DUSP16: variants seen among roughly 807,000 people sequenced by gnomAD.
DUSP16 encodes the protein dual specificity phosphatase 16.
A neutral mutation model predicts 58.3 loss-of-function variants in DUSP16; 21 were observed. The observed-to-expected ratio is 0.36, with a 90% confidence interval of 0.26 to 0.52. DUSP16 has a LOEUF of 0.52. Ranked by LOEUF, DUSP16 falls within the 20% of genes least tolerant of loss-of-function variation. DUSP16 has a pLI of 0.94. For missense variants in DUSP16, 726 were observed against 819.0 expected, an observed-to-expected ratio of 0.89 and a Z score of 1.39; for synonymous variants, 320 against 323.8, an observed-to-expected ratio of 0.99 and a Z score of 0.12.
Position 12,544,745 on chromosome 12 carries a change from G to GT in DUSP16, c.-366+17371dup, listed in dbSNP as rs1944615764. ...TGGCTGAACACTGCTAGAAGCTTTA[G>GT]TTTTTTTTAACCTTTCGCATTGAGA... On this transcript the variant is annotated intron_variant, in intron 1 of 6. Transcript: ENST00000298573. Among the ~76,000 whole-genome samples, 6 of 150,408 alleles carry GT rather than the reference G, an allele frequency of 4.0e-5. 1 individual carries two copies. In the South Asian group the frequency reaches 1.3e-3, roughly 32 times the overall value.
chr12:12,478,872 C>T (rs1943509346), intron 6 of DUSP16, among the ~76,000 whole-genome samples: 2 of 152,206 alleles, frequency 1.3e-5, no homozygotes, highest in Non-Finnish European at 2.9e-5. Flanking sequence ...ACATGACAGA[C>T]TAACCAAGAC....
chr12:12,477,104 C>T lies in DUSP16; in HGVS notation c.1727G>A (p.Ser576Asn). 12 of 1,614,272 alleles carry T rather than the reference C, an allele frequency of 7.4e-6. No homozygotes were observed. The highest frequency in any genetic ancestry group is 1.3e-5 in the African/African-American group (1 of 75,074). ...FYSASAIYGG[S>N]ASYSAYSCSQ... is the part of the protein sequence containing the mutation. ...GCAGCTGTAGGCAGAGTAACTGGCA[C>T]TGCCTCCGTAGATGGCTGAGGCAGA... The change falls in exon 7 of 7, where the codon AGT becomes AAT. Residue 576 changes from serine to asparagine, a missense_variant. Coordinates refer to ENST00000298573, the MANE Select transcript of DUSP16 (RefSeq NM_030640.3). This position sits in a 1 kb window ranked among gnomAD's most constrained non-coding sequence, Gnocchi z 4.1.
intron 1 of DUSP16, among the ~76,000 whole-genome samples, chr12:12,538,387 G>C (rs568970655): frequency 8.5e-5 from 13 of 152,246 alleles, no homozygotes; most frequent in African/African-American, 3.1e-4. Flanking sequence ...GCCAAAGAAG[G>C]ACTTCCACTT....
intron 3 of DUSP16, among the ~76,000 whole-genome samples, chr12:12,515,657 G>C (rs1321757682): frequency 6.6e-6 from 1 of 151,786 alleles, no homozygotes; most frequent in African/African-American, 2.4e-5. Context: ...AAATTTCAAG[G>C]GGGGTTGTGG....
chr12:12,559,788 C>T (rs575298394), intron 1 of DUSP16, among the ~76,000 whole-genome samples: 25 of 152,296 alleles, frequency 1.6e-4, no homozygotes, highest in African/African-American at 6.0e-4. Context: ...TCAAAACACA[C>T]TAACACATAA....
intron 1 of DUSP16, among the ~76,000 whole-genome samples, chr12:12,526,789 G>C (rs149955438): frequency 2.3e-4 from 35 of 152,198 alleles, no homozygotes; most frequent in African/African-American, 8.4e-4. Context: ...CAGAAAAAAA[G>C]TGATAATCGC....
Position 12,477,337 on chromosome 12 carries a change from G to T in DUSP16, c.1494C>A (p.Ser498=). ...RTSSSGTAQR[S]LLSPLHRSGS... ...CACTTCGATGCAGTGGAGATAAAAG[G>T]GACCTCTGGGCGGTGCCACTGCTGC... The change falls in exon 7 of 7, where the codon TCC becomes TCA. Residue 498 remains serine, a synonymous_variant. Transcript: ENST00000298573. This position sits in a 1 kb window ranked among gnomAD's most constrained non-coding sequence, Gnocchi z 4.1. 1 of 1,614,214 alleles carries T rather than the reference G, an allele frequency of 6.2e-7. No homozygotes were observed. Among genetic ancestry groups the T allele is most frequent in the Non-Finnish European group, 8.5e-7 (1 of 1,180,038 alleles).
intron 1 of DUSP16, among the ~76,000 whole-genome samples, chr12:12,531,896 C>T (rs1592198979): frequency 1.3e-5 from 2 of 150,668 alleles, no homozygotes; most frequent in South Asian, 2.1e-4. Flanking sequence ...CGGTGGCTCA[C>T]GCCTGTAATC....
chr12:12,562,457 C>G lies in DUSP16; in HGVS notation c.-706G>C, dbSNP rs1376352283. The G allele has an allele frequency of 2.1e-5, 3 of 141,162 alleles. No homozygotes were observed. Among genetic ancestry groups the G allele is most frequent in the African/African-American group, 5.3e-5 (2 of 38,066 alleles). 8.7% of individuals were successfully genotyped at this position (141,162 alleles called of 1,614,324 possible). A position where few individuals can be genotyped will look rare whatever the true frequency, so the allele number is the denominator to read the frequency against. ...ACTTAGGGAGGTAAAGGTGGGGGGC[C>G]GCGTTGTGAAAGTGGGGGTTGGGGG... On this transcript the variant is annotated 5_prime_UTR_variant, in exon 1 of 7. Coordinates refer to ENST00000298573, the MANE Select transcript of DUSP16 (RefSeq NM_030640.3).
At chr12:12,488,172 CA>C (rs1250654822) in intron 4 of DUSP16, among the ~76,000 whole-genome samples, 5 of 152,176 alleles carry the variant, frequency 3.3e-5, no homozygotes, top group Non-Finnish European at 7.3e-5. Context: ...CCCCCAACGT[CA>C]AATGTATACC....
intron 6 of DUSP16, among the ~76,000 whole-genome samples, chr12:12,478,314 A>G (rs1370335387): frequency 6.6e-6 from 1 of 150,976 alleles, no homozygotes; most frequent in African/African-American, 2.4e-5. Context: ...AAGAGATGGT[A>G]TGGGGTTTTG....
At chr12:12,528,810 C>T (rs75343257) in intron 1 of DUSP16, among the ~76,000 whole-genome samples, 9,781 of 151,828 alleles carry the variant, frequency 0.064, 456 homozygotes, top group East Asian at 0.2. Flanking sequence ...CTATGATAGA[C>T]GCCGATAAGA....
chr12:12,504,051 T>C (rs1207024495), intron 3 of DUSP16, among the ~76,000 whole-genome samples: 1 of 152,226 alleles, frequency 6.6e-6, no homozygotes, highest in African/African-American at 2.4e-5. Context: ...TCGTGTTTTG[T>C]TCCTTTTCAG....
chr12:12,545,442 C>CTTT (rs71436720), intron 1 of DUSP16, among the ~76,000 whole-genome samples: 10 of 132,000 alleles, frequency 7.6e-5, no homozygotes, highest in South Asian at 4.9e-4. Flanking sequence ...AATTTGTGTA[C>CTTT]TTTTTTTTTT....
At chr12:12,488,676 G>A (rs567030473) in intron 4 of DUSP16, among the ~76,000 whole-genome samples, 2 of 152,204 alleles carry the variant, frequency 1.3e-5, no homozygotes, top group African/African-American at 4.8e-5. Context: ...CCAACTACCT[G>A]AAAGAAAATG....
chr12:12,477,934 C>A lies in DUSP16; in HGVS notation c.897G>T (p.Lys299Asn), dbSNP rs1333685230. 6.2e-7 allele frequency: 1 copy of A among 1,614,194 alleles called. No individual in the cohort carries two copies. Among genetic ancestry groups the A allele is most frequent in the Non-Finnish European group, 8.5e-7 (1 of 1,180,034 alleles). ...GQLLDYEKKI[K>N]NQTGASGPKS... ...TTGGCCCTGATGCTCCAGTCTGGTT[C>A]TTAATCTTCTTCTCATAGTCCAGGA... is the stretch of plus-strand genomic sequence containing the variant. Residue 299 changes from lysine to asparagine, a missense_variant, in exon 7 of 7, where the codon AAG (lysine) becomes AAT (asparagine). Lys to Asn is a moderately conservative substitution (Grantham distance 94). Coordinates refer to ENST00000298573, the MANE Select transcript of DUSP16 (RefSeq NM_030640.3). This position sits in a 1 kb window ranked among gnomAD's most constrained non-coding sequence, Gnocchi z 4.1.
intron 3 of DUSP16, among the ~76,000 whole-genome samples, chr12:12,513,599 T>C (rs1944107745): frequency 6.6e-6 from 1 of 152,232 alleles, no homozygotes; most frequent in Non-Finnish European, 1.5e-5. Flanking sequence ...GGTTCATTTA[T>C]GGTTTTCTCC....
At chr12:12,548,546 C>T (rs2136262942) in intron 1 of DUSP16, among the ~76,000 whole-genome samples, 1 of 144,564 alleles carries the variant, frequency 6.9e-6, no homozygotes, top group South Asian at 2.2e-4. Context: ...GAAAGAGAAT[C>T]ACTTGAACCC....
At chr12:12,550,838 T>C (rs551085813) in intron 1 of DUSP16, among the ~76,000 whole-genome samples, 1 of 152,034 alleles carries the variant, frequency 6.6e-6, no homozygotes, top group East Asian at 1.9e-4. Context: ...TGTGTATACC[T>C]GTGTAACAAA....
Sources: allele counts gnomAD v4.1 joint callset (sites outside exome capture counted in the v4.1 genomes callset), GRCh38; gene constraint gnomAD v4.1.1; non-coding constraint Gnocchi (gnomAD v3.1); transcripts MANE v1.5; gene names NCBI Gene and HGNC (gene_info 2026-07-23, HGNC 2026-07-21).